Variants in TKTL1 observed in about 807,000 individuals in gnomAD.
TKTL1 encodes the protein transketolase-like protein 1.
A neutral mutation model predicts 39.3 loss-of-function variants in TKTL1; 1 was observed. The ratio of observed to expected loss-of-function variants is 0.03; its 90% CI spans 0.01 to 0.12. The LOEUF is 0.12. Among genes scored for constraint, TKTL1 ranks in the 10% least tolerant of loss-of-function variants. TKTL1 has a pLI of 1.00. For synonymous variants in TKTL1, 262 were observed against 193.8 expected (o/e 1.35, Z -2.92); for missense variants, 575 against 509.6 (o/e 1.13, Z -1.24).
In TKTL1 at chrX:154,325,324, C is replaced by G; in HGVS notation, c.1318-15C>G. ...TTGTTTGCTTTTCTAAACCATGGCT[C>G]CATTTATGCCCTAGGGGATGTGCTT... is the stretch of plus-strand genomic sequence containing the variant. On this transcript the variant is annotated splice_polypyrimidine_tract_variant and intron_variant, in intron 9 of 12. Coordinates refer to ENST00000369915, the MANE Select transcript of TKTL1 (RefSeq NM_012253.4). 1 of 1,199,480 alleles carries G rather than the reference C, an allele frequency of 8.3e-7. No individual in the cohort carries two copies. The highest frequency in any genetic ancestry group is 1.1e-6 in the Non-Finnish European group (1 of 884,292).
chrX:154,303,582 C>T (rs1449228778), intron 1 of TKTL1, among the ~76,000 whole-genome samples: 1 of 104,106 alleles, frequency 9.6e-6, no homozygotes, highest in Non-Finnish European at 2.0e-5. Context: ...GGCTTTCCTC[C>T]TCACACCTCC....
intron 5 of TKTL1, 64 bp from the exon 6 acceptor site, chrX:154,312,516 G>A: frequency 9.2e-7 from 1 of 1,092,199 alleles, no homozygotes; most frequent in Non-Finnish European, 1.2e-6. Flanking sequence ...CTGTTTTTCA[G>A]GTGACCTCAT....
chrX:154,322,611 T>C (rs2067460675), intron 8 of TKTL1, among the ~76,000 whole-genome samples: 1 of 111,545 alleles, frequency 9.0e-6, no homozygotes, highest in Admixed American at 9.5e-5. Flanking sequence ...GCAGTGTGCA[T>C]GGTGACAATC....
intron 3 of TKTL1, 70 bp downstream of exon 3, chrX:154,309,512 A>G: frequency 2.2e-6 from 2 of 923,944 alleles, no homozygotes; most frequent in Non-Finnish European, 3.1e-6. Context: ...CTCGGGGGGC[A>G]GCCACCTATC....
chrX:154,305,112 A>AG (rs1491164553), intron 1 of TKTL1, 192 bp from the exon 2 acceptor site: 3 of 1,152,591 alleles, frequency 2.6e-6, no homozygotes, highest in African/African-American at 3.5e-5. Flanking sequence ...CACTGTGCAC[A>AG]GGGGGAGGGG....
chrX:154,307,403 T>TC (rs2067323516), intron 2 of TKTL1, among the ~76,000 whole-genome samples: 1 of 111,778 alleles, frequency 8.9e-6, no homozygotes, highest in Non-Finnish European at 1.9e-5. Context: ...TGAAGCATAG[T>TC]CCATTGTGGT....
At position 154,327,955 on chromosome X, in the gene TKTL1, C is replaced by G. The variant is rs2067506000; in HGVS notation, c.1615C>G (p.Gln539Glu). The change falls in exon 12 of 13, where the codon CAA becomes GAA. Residue 539 changes from glutamine (Q) to glutamate (E), a missense_variant. Physicochemically the swap from Gln to Glu is conservative, Grantham distance 29 (BLOSUM62 2). Transcript: ENST00000369915. Reference protein sequence around the residue: ...RIITVEDHYPQGGIGEAVCAA... With the variant: ...RIITVEDHYPEGGIGEAVCAA... ...CATTACAGTGGAGGATCACTACCCGCAAGGTGTGTGTGGGCATTGAGAATG... is the reference window on the plus strand; with the variant it reads ...CATTACAGTGGAGGATCACTACCCGGAAGGTGTGTGTGGGCATTGAGAATG... 2 of 1,211,491 alleles carry G rather than the reference C, an allele frequency of 1.7e-6. No individual in the cohort carries two copies. Among genetic ancestry groups the G allele is most frequent in the Admixed American group, 2.2e-5 (1 of 46,007 alleles).
Position 154,305,437 on chromosome X carries a change from G to T in TKTL1, c.252+16G>T. The T allele has an allele frequency of 8.3e-7, 1 of 1,198,521 alleles. No homozygotes were observed. ...CCTCGCAAAGGTATGCCGGTGGGGA[G>T]CCCAGGGCTGCTGTGGCGCCTGCTG... On this transcript the variant is annotated intron_variant, in intron 2 of 12. Transcript: ENST00000369915.
intron 1 of TKTL1, among the ~76,000 whole-genome samples, chrX:154,301,604 A>G (rs782552546): frequency 8.9e-6 from 1 of 112,414 alleles, no homozygotes; most frequent in African/African-American, 3.2e-5. Context: ...TATATGTCTG[A>G]ATTTTTTGTA....
chrX:154,304,119 T>G (rs2067296680), intron 1 of TKTL1, among the ~76,000 whole-genome samples: 1 of 109,796 alleles, frequency 9.1e-6, no homozygotes, highest in Non-Finnish European at 1.9e-5. Context: ...AAGAAGAGAT[T>G]TCCAATTACT....
At chrX:154,315,797 C>T (rs1284223088) in intron 7 of TKTL1, among the ~76,000 whole-genome samples, 1 of 112,421 alleles carries the variant, frequency 8.9e-6, no homozygotes, top group Non-Finnish European at 1.9e-5. Flanking sequence ...ACTTCAATCA[C>T]AAGAATATCA....
rs1009816983 is a variant in TKTL1 at position 154,317,966 on chromosome X, A to G, written c.1029+2629A>G. On this transcript the variant is annotated intron_variant, in intron 7 of 12. Transcript: ENST00000369915. ...AGACAGTGGTATCAGATGGCTGGGCAGTAGATCAGTCAGTCATTTTCACAT... is the reference window on the plus strand; with the variant it reads ...AGACAGTGGTATCAGATGGCTGGGCGGTAGATCAGTCAGTCATTTTCACAT... Among the ~76,000 whole-genome samples, 4 of 112,629 alleles carry G rather than the reference A, an allele frequency of 3.6e-5. No individual in the cohort carries two copies. In the East Asian group the frequency reaches 1.1e-3, roughly 31 times the overall value.
chrX:154,319,355 G>T (rs1394274014), intron 7 of TKTL1, among the ~76,000 whole-genome samples: 2 of 112,296 alleles, frequency 1.8e-5, no homozygotes, highest in Admixed American at 1.9e-4. Context: ...GGGTCTGGAG[G>T]TTCTGCACTC....
At chrX:154,302,697 T>C (rs1364265534) in intron 1 of TKTL1, among the ~76,000 whole-genome samples, 1 of 111,692 alleles carries the variant, frequency 9.0e-6, no homozygotes, top group Admixed American at 9.5e-5. Flanking sequence ...TATTTGGAAA[T>C]AGGGTTTTGT....
intron 2 of TKTL1, among the ~76,000 whole-genome samples, chrX:154,307,270 G>A (rs2067322578): frequency 9.0e-6 from 1 of 111,667 alleles, no homozygotes; most frequent in African/African-American, 3.3e-5. Flanking sequence ...CAGAGCCATT[G>A]GCCTTAGGGG....
chrX:154,321,140 C>T (rs1159158976), intron 8 of TKTL1, among the ~76,000 whole-genome samples: 1 of 110,416 alleles, frequency 9.1e-6, no homozygotes, highest in African/African-American at 3.3e-5. Context: ...GAAACAGTTG[C>T]TTATCCCGAG....
In TKTL1 at chrX:154,329,878, C is replaced by T. The variant is rs782702279; in HGVS notation, c.*190C>T. 1.2e-4 allele frequency: 51 copies of T among 412,902 alleles called. No homozygotes were observed. The highest frequency in any genetic ancestry group is 1.8e-4 in the Non-Finnish European group (46 of 254,643). The allele number at this position is 412,902 out of a possible 1,213,427, so 34.0% of individuals were successfully genotyped here. ...AAACTGTCACTGCATATGCAAGTAC[C>T]GCTCTAATTTTTGGATCATTAAAGG... On this transcript the variant is annotated 3_prime_UTR_variant, in exon 13 of 13. Coordinates refer to ENST00000369915, the MANE Select transcript of TKTL1 (RefSeq NM_012253.4).
rs782195047 is a variant in TKTL1 at position 154,322,362 on chromosome X, T to C, written c.1187-845T>C. 8.9e-3 allele frequency among the ~76,000 whole-genome samples: 960 copies of C among 107,572 alleles called. 7 individuals are homozygous for C. The highest frequency in any genetic ancestry group is 0.016 in the Non-Finnish European group (812 of 52,037). 93.4% of individuals were successfully genotyped at this position (107,572 alleles called of 115,157 possible). A position where few individuals can be genotyped will look rare whatever the true frequency, so the allele number is the denominator to read the frequency against. ...GCCTGACCAATATGGTGAAACCCCA[T>C]CTCTACTAAAAATACAAAACTTAGC... On this transcript the variant is annotated intron_variant, in intron 8 of 12. Transcript: ENST00000369915.
rs781972218 is a variant in TKTL1 at position 154,330,096 on chromosome X, T to C, written c.*408T>C. Reference sequence around the variant, plus strand: ...AGTAAAGAAAATGTGGATTGAAGTATAGATTCCAGTAGCCTAGTTTCCACA... The same window carrying C: ...AGTAAAGAAAATGTGGATTGAAGTACAGATTCCAGTAGCCTAGTTTCCACA... On this transcript the variant is annotated 3_prime_UTR_variant, in exon 13 of 13. Transcript: ENST00000369915. 8.3e-6 allele frequency: 1 copy of C among 119,865 alleles called. No individual in the cohort carries two copies. The highest frequency in any genetic ancestry group is 3.1e-4 in the South Asian group (1 of 3,176). The allele number at this position is 119,865 out of a possible 1,213,427, so 9.9% of individuals were successfully genotyped here.
Sources: gnomAD v4.1 joint callset for allele counts (sites outside exome capture counted in the v4.1 genomes callset) on GRCh38, gnomAD v4.1.1 for gene constraint, MANE v1.5 for transcripts, NCBI Gene and HGNC (gene_info 2026-07-23, HGNC 2026-07-21) for gene names.